The following RYR3 variants were observed in gnomAD, a reference collection of about 807,000 sequenced individuals.
RYR3 encodes ryanodine receptor 3.
Under a neutral mutation model 584.3 loss-of-function variants are expected in RYR3, and 207 were observed. That is an observed-to-expected ratio of 0.35 (90% CI 0.32 to 0.40). The LOEUF (loss-of-function observed/expected upper bound fraction) is 0.40, where lower values mean the gene tolerates loss of function less well. Among genes scored for constraint, RYR3 ranks in the 10% least tolerant of loss-of-function variants. RYR3 has a pLI of 1.00. For missense variants in RYR3, 5,616 were observed against 6,089.2 expected (o/e 0.92, Z 2.59); for synonymous variants, 2,416 against 2,248.5 (o/e 1.07, Z -2.11).
At chr15:33,734,041 C>T (rs922874478) in intron 48 of RYR3, among the ~76,000 whole-genome samples, 2 of 152,126 alleles carry the variant, frequency 1.3e-5, no homozygotes, top group Non-Finnish European at 2.9e-5. Context: ...TGTCTAAGGC[C>T]TACAGGCTTT....
chr15:33,659,564 T>C (rs1183234440), intron 32 of RYR3, among the ~76,000 whole-genome samples, 156 bp from the exon 33 acceptor site: 1 of 152,246 alleles, frequency 6.6e-6, no homozygotes, highest in East Asian at 1.9e-4. Context: ...TCTCCGCTGA[T>C]AGATAACTGG....
chr15:33,408,884 T>C (rs1567180809), intron 1 of RYR3, among the ~76,000 whole-genome samples: 1 of 152,206 alleles, frequency 6.6e-6, no homozygotes, highest in Non-Finnish European at 1.5e-5. Context: ...GAAAAACAAA[T>C]GGATCTTTAA....
At chr15:33,712,005 G>T (rs1043995207) in intron 43 of RYR3, among the ~76,000 whole-genome samples, 1 of 152,106 alleles carries the variant, frequency 6.6e-6, no homozygotes, top group Non-Finnish European at 1.5e-5. Context: ...AGTTTAATTG[G>T]CTCGTGGTTC....
At chr15:33,664,237 A>G (rs2063337845) in intron 36 of RYR3, among the ~76,000 whole-genome samples, 1 of 151,996 alleles carries the variant, frequency 6.6e-6, no homozygotes, top group South Asian at 2.1e-4. Context: ...AGCTCCATGG[A>G]GCCTGGAGAA....
chr15:33,486,016 G>C (rs1026569180), intron 2 of RYR3, among the ~76,000 whole-genome samples: 6 of 147,382 alleles, frequency 4.1e-5, no homozygotes, highest in African/African-American at 1.2e-4. Context: ...GCCTGTCTCA[G>C]TCAGAGGTCT....
intron 42 of RYR3, among the ~76,000 whole-genome samples, chr15:33,702,109 G>A (rs2066348948): frequency 6.6e-6 from 1 of 152,188 alleles, no homozygotes; most frequent in South Asian, 2.1e-4. Context: ...GGAAGTGGAG[G>A]CATAAAGAGA....
chr15:33,686,413 C>T (rs913572320), intron 38 of RYR3, among the ~76,000 whole-genome samples: 2 of 152,154 alleles, frequency 1.3e-5, no homozygotes, highest in Non-Finnish European at 2.9e-5. Context: ...ATAACAGGCT[C>T]TGAAATTGAG....
chr15:33,526,615 T>C (rs1218425418), intron 3 of RYR3, among the ~76,000 whole-genome samples: 1 of 147,852 alleles, frequency 6.8e-6, no homozygotes, highest in African/African-American at 2.5e-5. Flanking sequence ...AAGCTCGTCA[T>C]GGGAATGTTT....
chr15:33,501,508 C>G (rs2051988623), intron 2 of RYR3, among the ~76,000 whole-genome samples: 1 of 152,084 alleles, frequency 6.6e-6, no homozygotes, highest in South Asian at 2.1e-4. Context: ...CTTTAAAGGG[C>G]CAACCATAAC....
At chr15:33,847,253 T>C (rs966413986) in intron 93 of RYR3, 2 of 152,250 alleles carry the variant, frequency 1.3e-5, no homozygotes, top group Non-Finnish European at 2.9e-5. Context: ...ATTTTATCAG[T>C]GTTATTTCAT....
At chr15:33,729,386 A>G (rs1178142680) in intron 47 of RYR3, among the ~76,000 whole-genome samples, 1 of 152,170 alleles carries the variant, frequency 6.6e-6, no homozygotes, top group Non-Finnish European at 1.5e-5. Context: ...AATCAATTTC[A>G]GATATCACCA....
At chr15:33,468,771 C>T (rs1283684681) in intron 1 of RYR3, among the ~76,000 whole-genome samples, 1 of 152,078 alleles carries the variant, frequency 6.6e-6, no homozygotes, top group Non-Finnish European at 1.5e-5. Context: ...TGGTGAGTAT[C>T]ATGATAGGCA....
intron 1 of RYR3, among the ~76,000 whole-genome samples, chr15:33,395,151 G>A (rs1460900124): frequency 6.6e-6 from 1 of 152,198 alleles, no homozygotes; most frequent in Non-Finnish European, 1.5e-5. Context: ...GTTACACAAA[G>A]ATGGTGTGTG....
At chr15:33,534,527 TTAGTA>T (rs1237569449) in intron 5 of RYR3, among the ~76,000 whole-genome samples, 1 of 152,246 alleles carries the variant, frequency 6.6e-6, no homozygotes, top group Non-Finnish European at 1.5e-5. Flanking sequence ...TATTTTTTTT[TTAGTA>T]TAGTCAAAAA....
At position 33,807,566 on chromosome 15, in the gene RYR3, AAAGGT is replaced by A. The variant is rs748375951; in HGVS notation, c.10025_10026+3del. On this transcript the variant is annotated splice_donor_variant and coding_sequence_variant, in exon 70 of 104. Transcript: ENST00000634891. LOFTEE classifies it high-confidence loss of function. ...GTCTTTCCACACAGGCCATGCAAGT[AAAGGT>A]ACAGGTCAAATGCATGACGTGTCTT... 1 of 1,551,908 alleles carries A rather than the reference AAAGGT, an allele frequency of 6.4e-7. No homozygotes were observed. The highest frequency in any genetic ancestry group is 1.2e-5 in the South Asian group (1 of 84,072).
At position 33,584,405 on chromosome 15, in the gene RYR3, T is replaced by G; in HGVS notation, c.1584T>G (p.Ile528Met). 6.3e-7 allele frequency: 1 copy of G among 1,599,108 alleles called. No homozygotes were observed. Among genetic ancestry groups the G allele is most frequent in the Non-Finnish European group, 8.6e-7 (1 of 1,167,984 alleles). Residue 528 changes from isoleucine to methionine, a missense_variant, in exon 15 of 104, where the codon ATT becomes ATG. Ile to Met is a conservative substitution (Grantham distance 10). Transcript: ENST00000634891. ...TCTCCTTGTTTGCAGCTGCTCTCAT[T>G]CGCGGAAACAGAAACAATTGCGCTC... ...NLLYKLLAAL[I>M]RGNRNNCAQF... is the part of the protein sequence containing the mutation.
At chr15:33,472,161 C>G (rs1596288985) in intron 1 of RYR3, among the ~76,000 whole-genome samples, 1 of 152,156 alleles carries the variant, frequency 6.6e-6, no homozygotes, top group African/African-American at 2.4e-5. Context: ...AACTGTGGAG[C>G]TATGTTTTTC....
intron 64 of RYR3, among the ~76,000 whole-genome samples, chr15:33,777,157 C>T (rs796659467): frequency 5.9e-5 from 9 of 152,372 alleles, no homozygotes; most frequent in African/African-American, 2.2e-4. Context: ...CACTGCACTC[C>T]AGCCTAGGCT....
In RYR3 at chr15:33,539,376, C is replaced by A. The variant is rs1429750919; in HGVS notation, c.460C>A (p.Pro154Thr). Residue 154 changes from proline (P) to threonine (T), a missense_variant, in exon 6 of 104, where the codon CCT becomes ACT. Transcript: ENST00000634891. ...AGAAGCCTGTTGGTGGACTATACATCCTGCTTCCAAACAGAGGTCCGAAGG... is the reference window on the plus strand; with the variant it reads ...AGAAGCCTGTTGGTGGACTATACATACTGCTTCCAAACAGAGGTCCGAAGG... Reference protein sequence around the residue: ...TGEACWWTIHPASKQRSEGEK... With the variant: ...TGEACWWTIHTASKQRSEGEK... 1 of 1,597,902 alleles carries A rather than the reference C, an allele frequency of 6.3e-7. No homozygotes were observed. Among genetic ancestry groups the A allele is most frequent in the Admixed American group, 1.7e-5 (1 of 58,044 alleles).
Sources: gnomAD v4.1 joint callset for allele counts (sites outside exome capture counted in the v4.1 genomes callset) on GRCh38, gnomAD v4.1.1 for gene constraint, MANE v1.5 for transcripts, NCBI Gene and HGNC (gene_info 2026-07-23, HGNC 2026-07-21) for gene names.